Variants in NF2 observed in about 807,000 individuals in gnomAD.
NF2 encodes the protein NF2, moesin-ezrin-radixin like (MERLIN) tumor suppressor.
In NF2, 8 loss-of-function variants were observed where a neutral mutation model predicts 83.7. That is an observed-to-expected ratio of 0.10 (90% CI 0.06 to 0.17). The LOEUF (loss-of-function observed/expected upper bound fraction) is 0.17. Among genes scored for constraint, NF2 ranks in the 10% least tolerant of loss-of-function variants. The pLI, the probability that NF2 is intolerant of heterozygous loss-of-function variation, is 1.00. For missense variants in NF2, 533 were observed against 744.4 expected (o/e 0.72, Z 3.31); for synonymous variants, 266 against 269.6 (o/e 0.99, Z 0.13).
rs2067588955 is a variant in NF2, at chr22:29,697,616, G to C, written c.*2814G>C. ...GTTTTTGCCTTTGTCGCCCAGGCTG[G>C]AGTGCAATGGCGTGATCTCGGCTCA... is the stretch of plus-strand genomic sequence containing the variant. On this transcript the variant is annotated 3_prime_UTR_variant, in exon 16 of 16. Coordinates refer to ENST00000338641, the MANE Select transcript of NF2 (RefSeq NM_000268.4). 1 of 175,264 alleles carries C rather than the reference G, an allele frequency of 5.7e-6. No individual in the cohort carries two copies. The highest frequency in any genetic ancestry group is 1.2e-5 in the Non-Finnish European group (1 of 81,424). The allele number at this position is 175,264 out of a possible 1,614,324, so 10.9% of individuals were successfully genotyped here. A position where few individuals can be genotyped will look rare whatever the true frequency, so the allele number is the denominator to read the frequency against.
intron 4 of NF2, among the ~76,000 whole-genome samples, 196 bp from the exon 5 acceptor site, chr22:29,654,461 G>A (rs745438838): frequency 6.6e-6 from 1 of 152,184 alleles, no homozygotes; most frequent in Non-Finnish European, 1.5e-5. Context: ...ACAGGATTAT[G>A]CAACTCAGTT....
At chr22:29,681,410 CCTGATG>C in intron 14 of NF2, 23 bp from the exon 15 acceptor site, 1 of 1,613,066 alleles carries the variant, frequency 6.2e-7, no homozygotes, top group Non-Finnish European at 8.5e-7. Flanking sequence ...CTGCCCAAGC[CCTGATG>C]CATGATACCC....
intron 8 of NF2, among the ~76,000 whole-genome samples, chr22:29,663,548 G>T (rs992994629): frequency 3.3e-5 from 5 of 152,336 alleles, no homozygotes; most frequent in African/African-American, 1.2e-4. Flanking sequence ...AGAGCCTGCG[G>T]TTTCCCCACT....
At chr22:29,673,162 C>A in intron 11 of NF2, 107 bp from the exon 12 acceptor site, 1 of 1,217,708 alleles carries the variant, frequency 8.2e-7, no homozygotes, top group Non-Finnish European at 1.2e-6. Flanking sequence ...AGCAGCAGGG[C>A]CCCAGGAGTC....
At chr22:29,657,951 C>T (rs1283099145) in intron 6 of NF2, among the ~76,000 whole-genome samples, 4 of 152,154 alleles carry the variant, frequency 2.6e-5, no homozygotes, top group Non-Finnish European at 5.9e-5. Context: ...CAAGAAACTC[C>T]GTGATGAGTC....
intron 1 of NF2, among the ~76,000 whole-genome samples, chr22:29,625,469 A>T (rs1340341812): frequency 6.6e-6 from 1 of 152,114 alleles, no homozygotes; most frequent in Non-Finnish European, 1.5e-5. Context: ...AATTTCATAA[A>T]CTAAAGCGTT....
intron 1 of NF2, among the ~76,000 whole-genome samples, chr22:29,629,337 G>C (rs2146811440): frequency 6.6e-6 from 1 of 152,246 alleles, no homozygotes; most frequent in South Asian, 2.1e-4. Context: ...TTCACTTACT[G>C]TACAGTAAAA....
chr22:29,636,305 G>A lies in NF2; in HGVS notation c.115-446G>A, dbSNP rs1601578088. ...TAAAAAAAAACTTGTAGTAAAACCA[G>A]TCTTATTTAAAGGAATACTAGCCTT... On this transcript the variant is annotated intron_variant, in intron 1 of 15. Coordinates refer to ENST00000338641, the MANE Select transcript of NF2 (RefSeq NM_000268.4). The surrounding 1 kb of genome is among the most constrained non-coding windows in gnomAD (Gnocchi z 4.4). Among the ~76,000 whole-genome samples the A allele has an allele frequency of 1.3e-5, 2 of 151,872 alleles. No homozygotes were observed. Among genetic ancestry groups the A allele is most frequent in the South Asian group, 4.1e-4 (2 of 4,824 alleles).
intron 1 of NF2, among the ~76,000 whole-genome samples, chr22:29,630,759 G>A (rs561813836): frequency 1.3e-5 from 2 of 152,316 alleles, no homozygotes; most frequent in East Asian, 1.9e-4. Flanking sequence ...GCAGGGAACC[G>A]TGGTGGATCC....
chr22:29,644,908 G>A (rs1220282566), intron 4 of NF2, among the ~76,000 whole-genome samples: 12 of 150,604 alleles, frequency 8.0e-5, no homozygotes, highest in East Asian at 5.8e-4. Flanking sequence ...GAGGGAGACC[G>A]TGGAAAGAGA....
At chr22:29,689,664 C>A (rs2067355583) in intron 15 of NF2, among the ~76,000 whole-genome samples, 1 of 152,198 alleles carries the variant, frequency 6.6e-6, no homozygotes, top group East Asian at 1.9e-4. Flanking sequence ...GAGGCAAGGC[C>A]CCCAGAGACT....
At chr22:29,605,089 G>A (rs993500255) in intron 1 of NF2, among the ~76,000 whole-genome samples, 72 of 151,622 alleles carry the variant, frequency 4.7e-4, no homozygotes, top group African/African-American at 1.6e-3. Flanking sequence ...GGCTCAATCA[G>A]TCCTCCTGCC....
chr22:29,647,964 A>C (rs199541499), intron 4 of NF2, among the ~76,000 whole-genome samples: 2 of 150,114 alleles, frequency 1.3e-5, no homozygotes, highest in African/African-American at 2.4e-5. Flanking sequence ...TAAATAAATA[A>C]ATACATACAT....
chr22:29,684,013 G>C, intron 15 of NF2: 1 of 759,364 alleles, frequency 1.3e-6, no homozygotes, highest in Non-Finnish European at 1.6e-6. Context: ...TGCAGTTTCT[G>C]CTCATAGAGT....
intron 15 of NF2, chr22:29,683,325 A>G: frequency 7.1e-7 from 1 of 1,408,318 alleles, no homozygotes; most frequent in East Asian, 2.6e-5. Context: ...CATTCTTCCC[A>G]TCTCGGGTCA....
chr22:29,673,743 T>C (rs536391209), intron 12 of NF2, among the ~76,000 whole-genome samples: 1 of 152,356 alleles, frequency 6.6e-6, no homozygotes, highest in South Asian at 2.1e-4. Context: ...GATAAGCCCC[T>C]GTCCCTCTGA....
chr22:29,617,659 G>A (rs2065114134), intron 1 of NF2, among the ~76,000 whole-genome samples: 1 of 152,208 alleles, frequency 6.6e-6, no homozygotes, highest in African/African-American at 2.4e-5. Context: ...ATGGTATAGT[G>A]CAAAGCTTGC....
intron 15 of NF2, 91 bp downstream of exon 15, chr22:29,681,692 A>G (rs1449906843): frequency 2.0e-6 from 3 of 1,494,592 alleles, no homozygotes; most frequent in Admixed American, 3.4e-5. Flanking sequence ...TAGCCAAGTC[A>G]CTAGACTATT....
chr22:29,661,437 TAG>T, intron 8 of NF2, 98 bp downstream of exon 8: 7 of 1,532,224 alleles, frequency 4.6e-6, no homozygotes, highest in Middle Eastern at 1.7e-4. Flanking sequence ...TTGTTATTCA[TAG>T]AGTCCTTTAA....
Sources: allele counts gnomAD v4.1 joint callset (sites outside exome capture counted in the v4.1 genomes callset), GRCh38; gene constraint gnomAD v4.1.1; non-coding constraint Gnocchi (gnomAD v3.1); transcripts MANE v1.5; gene names NCBI Gene and HGNC (gene_info 2026-07-23, HGNC 2026-07-21).